Variants in HHIP observed in about 807,000 individuals in gnomAD.
The protein encoded by HHIP is hedgehog interacting protein.
HHIP carries 12 observed loss-of-function variants against 74.0 expected under a neutral mutation model. The ratio of observed to expected loss-of-function variants is 0.16; its 90% CI spans 0.10 to 0.26. HHIP has a LOEUF of 0.26. HHIP is among the 10% of genes least tolerant of loss of function. HHIP has a pLI of 1.00. For missense variants in HHIP, 788 were observed against 845.0 expected (o/e 0.93, Z 0.84); for synonymous variants, 309 against 311.6 (o/e 0.99, Z 0.09).
chr4:144,711,305 T>C (rs1401509969), intron 7 of HHIP, among the ~76,000 whole-genome samples: 3 of 152,126 alleles, frequency 2.0e-5, no homozygotes, highest in Admixed American at 6.6e-5. Flanking sequence ...CAGAGATGAG[T>C]TGATGGTAAC....
At chr4:144,725,649 G>GGT (rs1730775129) in intron 11 of HHIP, among the ~76,000 whole-genome samples, 1 of 147,208 alleles carries the variant, frequency 6.8e-6, no homozygotes, top group African/African-American at 2.6e-5. Flanking sequence ...TTATTCTGTG[G>GGT]GTGTGTGCGC....
chr4:144,663,613 G>T (rs1728775814), intron 4 of HHIP, among the ~76,000 whole-genome samples: 1 of 152,090 alleles, frequency 6.6e-6, no homozygotes, highest in Non-Finnish European at 1.5e-5. Flanking sequence ...GTGAGGAATT[G>T]GGTTAATTCT....
At chr4:144,654,610 C>T (rs1160995264) in intron 2 of HHIP, among the ~76,000 whole-genome samples, 1 of 152,182 alleles carries the variant, frequency 6.6e-6, no homozygotes, top group Non-Finnish European at 1.5e-5. Flanking sequence ...TGGATTGATC[C>T]TTGGCATGTA....
intron 3 of HHIP, among the ~76,000 whole-genome samples, chr4:144,659,402 CAT>C (rs1341132869): frequency 1.3e-5 from 2 of 152,118 alleles, no homozygotes; most frequent in East Asian, 1.9e-4. Flanking sequence ...AAAATATATA[CAT>C]GTTTTGATTC....
rs116671417 is a variant in HHIP, at chr4:144,677,067, C to G, written c.831+17229C>G. On this transcript the variant is annotated intron_variant, in intron 4 of 12. Transcript: ENST00000296575. ...GACTCTGTGTCTCTTCTGTGGTAAACAGCAAGGACAGTTATGGCCAGCCTC... is the reference window on the plus strand; with the variant it reads ...GACTCTGTGTCTCTTCTGTGGTAAAGAGCAAGGACAGTTATGGCCAGCCTC... Among the ~76,000 whole-genome samples, 198 of 152,264 alleles carry G rather than the reference C, an allele frequency of 1.3e-3. 3 individuals carry two copies. Among genetic ancestry groups the G allele is most frequent in the African/African-American group, 4.5e-3 (187 of 41,556 alleles).
chr4:144,648,349 A>G (rs575206414), intron 1 of HHIP: 1 of 152,246 alleles, frequency 6.6e-6, no homozygotes, highest in South Asian at 2.1e-4. Context: ...GCTCTGTCCA[A>G]ATGTTCATGC....
chr4:144,728,975 C>G (rs1730874433), intron 11 of HHIP, among the ~76,000 whole-genome samples: 1 of 152,094 alleles, frequency 6.6e-6, no homozygotes, highest in South Asian at 2.1e-4. Flanking sequence ...TATAAGTAAA[C>G]TGACACTGAA....
intron 4 of HHIP, among the ~76,000 whole-genome samples, chr4:144,664,072 C>T (rs1207496835): frequency 2.0e-5 from 3 of 152,210 alleles, no homozygotes; most frequent in African/African-American, 4.8e-5. Flanking sequence ...CTCAGCAGCC[C>T]TCGGCTAGCA....
At chr4:144,703,495 G>T (rs1376527885) in intron 4 of HHIP, among the ~76,000 whole-genome samples, 1 of 152,164 alleles carries the variant, frequency 6.6e-6, no homozygotes, top group Non-Finnish European at 1.5e-5. Context: ...ATGAGAAGGG[G>T]TTAGAAGGAG....
At chr4:144,700,935 A>T (rs1251328044) in intron 4 of HHIP, among the ~76,000 whole-genome samples, 1 of 152,214 alleles carries the variant, frequency 6.6e-6, no homozygotes, top group Non-Finnish European at 1.5e-5. Flanking sequence ...ATTTCTGATC[A>T]GCAAATAGTT....
chr4:144,719,074 C>T (rs1730553305), intron 11 of HHIP, 118 bp downstream of exon 11: 2 of 699,574 alleles, frequency 2.9e-6, no homozygotes, highest in Non-Finnish European at 5.1e-6. Context: ...ACACTTTTAC[C>T]ATTTCCATAT....
rs188234120 is a variant in HHIP, at chr4:144,716,831, A to G, written c.1678+1401A>G. Among the ~76,000 whole-genome samples, 61 of 144,420 alleles carry G rather than the reference A, an allele frequency of 4.2e-4. No homozygotes were observed. The East Asian group carries it at 0.01, about 24-fold the overall frequency. 94.7% of individuals were successfully genotyped at this position (144,420 alleles called of 152,430 possible). On this transcript the variant is annotated intron_variant, in intron 10 of 12. Transcript: ENST00000296575. The stretch of plus-strand genomic sequence containing the variant: ...ACCATTGCACTCCAGCCTGGGCAAC[A>G]TGAGCAAAACTCCGTCTCAAAAGAA...
chr4:144,671,656 C>T (rs138089389), intron 4 of HHIP, among the ~76,000 whole-genome samples: 11 of 152,236 alleles, frequency 7.2e-5, no homozygotes, highest in Non-Finnish European at 1.3e-4. Context: ...ATCATCTCTT[C>T]GGGGATCATG....
chr4:144,689,940 C>G (rs1349690170), intron 4 of HHIP, among the ~76,000 whole-genome samples: 1 of 152,142 alleles, frequency 6.6e-6, no homozygotes, highest in East Asian at 1.9e-4. Flanking sequence ...TCCCAAGTAG[C>G]TGGGATTACA....
At chr4:144,695,919 T>A (rs987949189) in intron 4 of HHIP, among the ~76,000 whole-genome samples, 9 of 151,862 alleles carry the variant, frequency 5.9e-5, no homozygotes, top group Admixed American at 5.9e-4. Context: ...AGTCCAAAAG[T>A]TCTTTGGATG....
Position 144,739,929 on chromosome 4 carries a change from C to T in HHIP, c.*1972C>T, listed in dbSNP as rs1731221513. On this transcript the variant is annotated 3_prime_UTR_variant, in exon 13 of 13. Coordinates refer to ENST00000296575, the MANE Select transcript of HHIP (RefSeq NM_022475.3). ...GTAGGTTAATAGCAATCTTTTGTCT[C>T]CATTGCTTTCTCTTCATAGCCCTTT... is the stretch of plus-strand genomic sequence containing the variant. 6.6e-6 allele frequency: 1 copy of T among 152,030 alleles called. No individual in the cohort carries two copies. Among genetic ancestry groups the T allele is most frequent in the Admixed American group, 6.6e-5 (1 of 15,256 alleles). The allele number at this position is 152,030 out of a possible 1,614,324, so 9.4% of individuals were successfully genotyped here. A position where few individuals can be genotyped will look rare whatever the true frequency, so the allele number is the denominator to read the frequency against.
chr4:144,723,875 A>G (rs1254346372), intron 11 of HHIP, among the ~76,000 whole-genome samples: 1 of 152,166 alleles, frequency 6.6e-6, no homozygotes, highest in Non-Finnish European at 1.5e-5. Context: ...GCAAGGAAAC[A>G]TTTTCCACAT....
At chr4:144,703,042 C>T (rs1762651952) in intron 4 of HHIP, among the ~76,000 whole-genome samples, 1 of 152,082 alleles carries the variant, frequency 6.6e-6, no homozygotes, top group African/African-American at 2.4e-5. Flanking sequence ...CATGGTGAAA[C>T]CCTGTCTCTG....
intron 4 of HHIP, among the ~76,000 whole-genome samples, chr4:144,668,276 C>A (rs192619679): frequency 1.1e-3 from 170 of 151,462 alleles, no homozygotes; most frequent in African/African-American, 4.0e-3. Context: ...GAGATCGCGC[C>A]ACGCCACTGC....
Sources: gnomAD v4.1 joint callset for allele counts (sites outside exome capture counted in the v4.1 genomes callset) on GRCh38, gnomAD v4.1.1 for gene constraint, MANE v1.5 for transcripts, NCBI Gene and HGNC (gene_info 2026-07-23, HGNC 2026-07-21) for gene names.